Variants in TNFRSF8 observed in about 807,000 individuals in gnomAD.
TNFRSF8 encodes TNF receptor superfamily member 8, also known as tumor necrosis factor receptor superfamily member 8.
A neutral mutation model predicts 70.8 loss-of-function variants in TNFRSF8; 26 were observed. The ratio of observed to expected loss-of-function variants is 0.37; its 90% CI spans 0.27 to 0.51. The LOEUF (loss-of-function observed/expected upper bound fraction) is 0.51, where lower values mean the gene tolerates loss of function less well. TNFRSF8 is among the 20% of genes least tolerant of loss of function. The pLI is 0.94. For synonymous variants in TNFRSF8, 356 were observed against 339.2 expected, an observed-to-expected ratio of 1.05 and a Z score of -0.54; for missense variants, 720 against 807.9, an observed-to-expected ratio of 0.89 and a Z score of 1.32.
At chr1:12,115,833 C>T (rs1641719804) in intron 8 of TNFRSF8, 104 bp downstream of exon 8, 3 of 1,302,226 alleles carry the variant, frequency 2.3e-6, no homozygotes, top group East Asian at 5.0e-5. Context: ...ATGACCTACA[C>T]CCTCGGCTGT....
intron 3 of TNFRSF8, 64 bp downstream of exon 3, chr1:12,097,281 G>T: frequency 8.0e-7 from 1 of 1,243,208 alleles, no homozygotes; most frequent in Non-Finnish European, 1.2e-6. Context: ...TCAGAGGAGA[G>T]GTGAAGAATC....
Position 12,138,422 on chromosome 1 carries a change from C to G in TNFRSF8, c.1529C>G (p.Thr510Ser). The G allele has an allele frequency of 6.2e-7, 1 of 1,611,712 alleles. No homozygotes were observed. Among genetic ancestry groups the G allele is most frequent in the Non-Finnish European group, 8.5e-7 (1 of 1,178,390 alleles). ...GAGCCCCGGGTGTCCACGGAGCACA[C>G]CAATAACAAGATTGGTGAGTCAGCC... ...LPEPRVSTEH[T>S]NNKIEKIYIM... The change falls in exon 14 of 15, where the codon ACC becomes AGC. Residue 510 changes from threonine (T) to serine (S), a missense_variant. Coordinates refer to ENST00000263932, the MANE Select transcript of TNFRSF8 (RefSeq NM_001243.5). The surrounding 1 kb of genome is among the most constrained non-coding windows in gnomAD (Gnocchi z 5.7).
chr1:12,089,567 A>G (rs957658941), intron 2 of TNFRSF8, among the ~76,000 whole-genome samples: 9 of 152,204 alleles, frequency 5.9e-5, no homozygotes, highest in Admixed American at 3.3e-4. Context: ...GGAAGGCAGT[A>G]GAAGGAAATA....
At chr1:12,103,903 C>T (rs1243490607) in intron 3 of TNFRSF8, among the ~76,000 whole-genome samples, 1 of 152,212 alleles carries the variant, frequency 6.6e-6, no homozygotes, top group Non-Finnish European at 1.5e-5. Flanking sequence ...GCAGGGTTCA[C>T]TCTTTGTGTT....
At chr1:12,090,439 C>CCCATCCAT (rs1162401600) in intron 2 of TNFRSF8, among the ~76,000 whole-genome samples, 1 of 151,024 alleles carries the variant, frequency 6.6e-6, no homozygotes, top group Non-Finnish European at 1.5e-5. Context: ...CCACCCTTCC[C>CCCATCCAT]CCATCCATCC....
intron 2 of TNFRSF8, among the ~76,000 whole-genome samples, chr1:12,094,202 GT>G (rs1415389845): frequency 6.6e-6 from 1 of 152,162 alleles, no homozygotes; most frequent in Non-Finnish European, 1.5e-5. Context: ...AAATAAATGT[GT>G]GATTACAACA....
At chr1:12,132,269 A>C (rs111238923) in intron 12 of TNFRSF8, among the ~76,000 whole-genome samples, 85 of 152,352 alleles carry the variant, frequency 5.6e-4, no homozygotes, top group African/African-American at 1.7e-3. Flanking sequence ...CACTGTGTTC[A>C]GGGTTCCCTT....
At chr1:12,101,049 CCTT>C (rs1457604474) in intron 3 of TNFRSF8, among the ~76,000 whole-genome samples, 2 of 151,976 alleles carry the variant, frequency 1.3e-5, no homozygotes, top group African/African-American at 2.4e-5. Flanking sequence ...GATAACAATG[CCTT>C]CTTCTGGATA....
intron 1 of TNFRSF8, among the ~76,000 whole-genome samples, chr1:12,077,320 G>C (rs892077634): frequency 6.6e-6 from 1 of 152,160 alleles, no homozygotes; most frequent in Non-Finnish European, 1.5e-5. Flanking sequence ...TCTAATCACA[G>C]GAGTCCTTAA....
Position 12,126,380 on chromosome 1 carries a change from T to C in TNFRSF8, c.1309+144T>C, listed in dbSNP as rs545157606. ...TGGCTCCTGTCGCATTCTGTACATC[T>C]GTAGGGATGCAATGTGGGTGAAAAC... On this transcript the variant is annotated intron_variant, in intron 12 of 14. Transcript: ENST00000263932. 3.9e-5 allele frequency: 35 copies of C among 906,966 alleles called. 1 individual carries two copies. The South Asian group carries it at 5.0e-4, about 13-fold the overall frequency. 56.2% of individuals were successfully genotyped at this position (906,966 alleles called of 1,614,324 possible).
chr1:12,141,697 C>A lies in TNFRSF8; in HGVS notation c.1544-590C>A, dbSNP rs1422968154. 1.3e-5 allele frequency among the ~76,000 whole-genome samples: 2 copies of A among 152,220 alleles called. No individual in the cohort carries two copies. The highest frequency in any genetic ancestry group is 4.8e-5 in the African/African-American group (2 of 41,458). ...TAGTAGAACCAGGAATGTTCCCGGG[C>A]AAGCTGGACAAGTTGGTCACCCCGG... is the stretch of plus-strand genomic sequence containing the variant. On this transcript the variant is annotated intron_variant, in intron 14 of 14. Transcript: ENST00000263932. This position sits in a 1 kb window ranked among gnomAD's most constrained non-coding sequence, Gnocchi z 5.4.
chr1:12,077,232 A>G (rs185608216), intron 1 of TNFRSF8, among the ~76,000 whole-genome samples: 2 of 152,266 alleles, frequency 1.3e-5, no homozygotes, highest in East Asian at 1.9e-4. Flanking sequence ...CCAAATGTCC[A>G]CACATTCTAA....
chr1:12,133,022 C>G (rs1309614010), intron 12 of TNFRSF8, among the ~76,000 whole-genome samples: 1 of 152,016 alleles, frequency 6.6e-6, no homozygotes, highest in Non-Finnish European at 1.5e-5. Flanking sequence ...CAAGGAGGCC[C>G]CTGCTCCAGG....
At chr1:12,072,740 C>G (rs887300922) in intron 1 of TNFRSF8, among the ~76,000 whole-genome samples, 1 of 152,202 alleles carries the variant, frequency 6.6e-6, no homozygotes, top group African/African-American at 2.4e-5. Flanking sequence ...GGTTCCTGCT[C>G]TCAGAGAGTG....
rs1042821245 is a variant in TNFRSF8, at chr1:12,138,577, A to G, written c.1543+141A>G. The G allele has an allele frequency of 1.6e-5, 14 of 869,710 alleles. No homozygotes were observed. Among genetic ancestry groups the G allele is most frequent in the African/African-American group, 6.9e-5 (4 of 58,218 alleles). The allele number at this position is 869,710 out of a possible 1,614,324, so 53.9% of individuals were successfully genotyped here. On this transcript the variant is annotated intron_variant, in intron 14 of 14. Coordinates refer to ENST00000263932, the MANE Select transcript of TNFRSF8 (RefSeq NM_001243.5). This position sits in a 1 kb window ranked among gnomAD's most constrained non-coding sequence, Gnocchi z 5.7. Reference sequence around the variant, plus strand: ...GGAGAGGCATAGATTCTTCACCCCAATTGAAGTTTCTGTAAGTAGGGACAG... The same window carrying G: ...GGAGAGGCATAGATTCTTCACCCCAGTTGAAGTTTCTGTAAGTAGGGACAG...
intron 10 of TNFRSF8, among the ~76,000 whole-genome samples, chr1:12,124,747 G>T (rs1641899711): frequency 6.6e-6 from 1 of 152,102 alleles, no homozygotes; most frequent in Non-Finnish European, 1.5e-5. Context: ...GCTTGAACCC[G>T]GGAGGCGGAG....
chr1:12,118,112 C>T (rs183432422), intron 8 of TNFRSF8, among the ~76,000 whole-genome samples: 6 of 151,978 alleles, frequency 3.9e-5, no homozygotes, highest in Admixed American at 6.6e-5. Flanking sequence ...ACCCTCCCCC[C>T]CCACCCTTTT....
At chr1:12,136,140 A>C (rs1222473070) in intron 13 of TNFRSF8, among the ~76,000 whole-genome samples, 1 of 151,912 alleles carries the variant, frequency 6.6e-6, no homozygotes, top group Non-Finnish European at 1.5e-5. Context: ...TACATTAAGA[A>C]GGGTTTCTAT....
intron 12 of TNFRSF8, among the ~76,000 whole-genome samples, chr1:12,133,470 C>G (rs1148473): frequency 0.68 from 102,558 of 151,852 alleles, 35,059 homozygotes; most frequent in East Asian, 0.77. Flanking sequence ...GGCCGGGTGC[C>G]GTGGCTCACG....
Sources: gnomAD v4.1 joint callset for allele counts (sites outside exome capture counted in the v4.1 genomes callset) on GRCh38, gnomAD v4.1.1 for gene constraint, Gnocchi (gnomAD v3.1) non-coding constraint, MANE v1.5 for transcripts, NCBI Gene and HGNC (gene_info 2026-07-23, HGNC 2026-07-21) for gene names.